Variants in IDE observed in about 807,000 individuals in gnomAD.
IDE encodes insulin degrading enzyme.
A neutral mutation model predicts 133.2 loss-of-function variants in IDE; 58 were observed. The ratio of observed to expected loss-of-function variants is 0.44; its 90% CI spans 0.35 to 0.54. The LOEUF (loss-of-function observed/expected upper bound fraction) is 0.54. Ranked by LOEUF, IDE falls within the 20% of genes least tolerant of loss-of-function variation. The pLI is 0.00. For missense variants in IDE, 981 were observed against 1,234.0 expected (o/e 0.79, Z 3.07); for synonymous variants, 396 against 421.3 (o/e 0.94, Z 0.73).
rs544043754 is a variant in IDE, at chr10:92,459,954, T to C, written c.2823+1237A>G. On this transcript the variant is annotated intron_variant, in intron 22 of 24. Coordinates refer to ENST00000265986, the MANE Select transcript of IDE (RefSeq NM_004969.4). ...AAGTGATTCTTCTGCCTCAGCCTCC[T>C]GAGTAGCTGGGATTACAGGCACCCG... Among the ~76,000 whole-genome samples, 547 of 151,320 alleles carry C rather than the reference T, an allele frequency of 3.6e-3. 2 individuals are homozygous for C. The highest frequency in any genetic ancestry group is 6.1e-3 in the Non-Finnish European group (414 of 67,862).
At chr10:92,509,544 G>A (rs1276998947) in intron 6 of IDE, among the ~76,000 whole-genome samples, 1 of 152,014 alleles carries the variant, frequency 6.6e-6, no homozygotes, top group Non-Finnish European at 1.5e-5. Context: ...AGGGAGCCAC[G>A]ATCGCGCCGC....
chr10:92,536,568 C>A (rs1305707746), intron 2 of IDE, among the ~76,000 whole-genome samples: 1 of 147,836 alleles, frequency 6.8e-6, no homozygotes, highest in Non-Finnish European at 1.5e-5. Context: ...CGTGGTGGCA[C>A]GCGCCTGTAA....
At chr10:92,464,136 T>TATG in intron 20 of IDE, 133 bp from the exon 21 acceptor site, 1 of 834,882 alleles carries the variant, frequency 1.2e-6, no homozygotes, top group Non-Finnish European at 1.9e-6. Flanking sequence ...CTTAAAGAAA[T>TATG]ATGAGCACTT....
intron 11 of IDE, among the ~76,000 whole-genome samples, chr10:92,497,082 C>T (rs1448114910): frequency 6.6e-6 from 1 of 152,172 alleles, no homozygotes; most frequent in African/African-American, 2.4e-5. Flanking sequence ...AGAAAACCGT[C>T]GTTATCACTA....
At chr10:92,522,429 C>T in intron 4 of IDE, among the ~76,000 whole-genome samples, 1 of 152,134 alleles carries the variant, frequency 6.6e-6, no homozygotes, top group Non-Finnish European at 1.5e-5. Flanking sequence ...TAATTGAATT[C>T]CATAACCTAT....
chr10:92,492,348 C>T (rs1178963253), intron 11 of IDE, among the ~76,000 whole-genome samples: 2 of 152,164 alleles, frequency 1.3e-5, no homozygotes, highest in East Asian at 3.9e-4. Flanking sequence ...AATGACAAGA[C>T]TAGAGGAGCA....
chr10:92,479,161 G>T, intron 15 of IDE, 116 bp downstream of exon 15: 2 of 628,472 alleles, frequency 3.2e-6, no homozygotes, highest in Non-Finnish European at 2.6e-6. Flanking sequence ...AATATGATTA[G>T]CCATAAAGAT....
intron 1 of IDE, among the ~76,000 whole-genome samples, chr10:92,540,507 C>A (rs898884519): frequency 5.9e-5 from 9 of 152,128 alleles, no homozygotes; most frequent in Non-Finnish European, 1.3e-4. Context: ...CCGTGTGTAC[C>A]AAAGAGAATG....
At chr10:92,530,832 T>C (rs1849883987) in intron 4 of IDE, among the ~76,000 whole-genome samples, 1 of 152,226 alleles carries the variant, frequency 6.6e-6, no homozygotes, top group Non-Finnish European at 1.5e-5. Flanking sequence ...TTTCTCTGAC[T>C]GCTGTTGGAT....
At chr10:92,518,939 G>A (rs1849070041) in intron 4 of IDE, among the ~76,000 whole-genome samples, 1 of 152,176 alleles carries the variant, frequency 6.6e-6, no homozygotes, top group Non-Finnish European at 1.5e-5. Context: ...GATGCTCAAA[G>A]TGCATTTGTA....
Position 92,468,867 on chromosome 10 carries a change from A to G in IDE, c.2320+12T>C, listed in dbSNP as rs1452239820. The G allele has an allele frequency of 1.4e-6, 2 of 1,410,676 alleles. No individual in the cohort carries two copies. The highest frequency in any genetic ancestry group is 1.4e-5 in the African/African-American group (1 of 71,092). 87.4% of individuals were successfully genotyped at this position (1,410,676 alleles called of 1,614,324 possible). A position where few individuals can be genotyped will look rare whatever the true frequency, so the allele number is the denominator to read the frequency against. On this transcript the variant is annotated intron_variant, in intron 19 of 24. Coordinates refer to ENST00000265986, the MANE Select transcript of IDE (RefSeq NM_004969.4). ...AATAGTCCATTCCCAAAGTTACAAC[A>G]TCTCTACTTACTGTCAGGGAGCTGA...
At chr10:92,470,555 T>C (rs1222842352) in intron 17 of IDE, among the ~76,000 whole-genome samples, 3 of 152,216 alleles carry the variant, frequency 2.0e-5, no homozygotes, top group African/African-American at 4.8e-5. Context: ...ACAGACTTTA[T>C]TTGGATTTTT....
intron 4 of IDE, among the ~76,000 whole-genome samples, chr10:92,522,835 C>T (rs74353300): frequency 0.074 from 11,314 of 152,098 alleles, 496 homozygotes; most frequent in Middle Eastern, 0.11. Context: ...AAATAATCCA[C>T]GTAAAGTGCT....
rs565716902 is a variant in IDE at position 92,488,345 on chromosome 10, C to T, written c.1534-1027G>A. Among the ~76,000 whole-genome samples the T allele has an allele frequency of 1.1e-3, 160 of 152,280 alleles. 1 individual carries two copies. Among genetic ancestry groups the T allele is most frequent in the African/African-American group, 3.5e-3 (145 of 41,556 alleles). ...TGTCAAACTCCCCTCAATCTGCCCA[C>T]CTCAGCCTCCTAAAGTGCTAGGATT... On this transcript the variant is annotated intron_variant, in intron 12 of 24. Coordinates refer to ENST00000265986, the MANE Select transcript of IDE (RefSeq NM_004969.4).
intron 1 of IDE, chr10:92,554,608 G>A (rs1473584692): frequency 6.6e-6 from 1 of 151,282 alleles, no homozygotes; most frequent in African/African-American, 2.4e-5. Context: ...AACACTTTGA[G>A]AGGCCAAGGC....
At chr10:92,494,241 T>C (rs1847552455) in intron 11 of IDE, among the ~76,000 whole-genome samples, 1 of 151,450 alleles carries the variant, frequency 6.6e-6, no homozygotes, top group South Asian at 2.1e-4. Context: ...TTTTTTTTTT[T>C]TTTTTTGGTA....
At chr10:92,517,701 G>A (rs1239852644) in intron 4 of IDE, among the ~76,000 whole-genome samples, 2 of 152,142 alleles carry the variant, frequency 1.3e-5, no homozygotes, top group African/African-American at 4.8e-5. Context: ...AGTGGATCAT[G>A]CCTGTAATCC....
chr10:92,555,562 A>C (rs1158509088), intron 1 of IDE, among the ~76,000 whole-genome samples: 1 of 152,046 alleles, frequency 6.6e-6, no homozygotes, highest in African/African-American at 2.4e-5. Context: ...TAATTGGTTC[A>C]GGAAAAAAAT....
At chr10:92,544,799 C>A (rs1306718425) in intron 1 of IDE, among the ~76,000 whole-genome samples, 1 of 152,120 alleles carries the variant, frequency 6.6e-6, no homozygotes, top group Non-Finnish European at 1.5e-5. Flanking sequence ...CCAAAGGAAT[C>A]CCTTAGCTAA....
Sources: allele counts gnomAD v4.1 joint callset (sites outside exome capture counted in the v4.1 genomes callset), GRCh38; gene constraint gnomAD v4.1.1; transcripts MANE v1.5; gene names NCBI Gene and HGNC (gene_info 2026-07-23, HGNC 2026-07-21).